LRRC7: variants seen among roughly 807,000 people sequenced by gnomAD.
The protein encoded by LRRC7 is leucine-rich repeat-containing protein 7.
In LRRC7, 23 loss-of-function variants were observed where a neutral mutation model predicts 175.7. That is an observed-to-expected ratio of 0.13 (90% CI 0.09 to 0.19). LRRC7 has a LOEUF of 0.19. Among genes scored for constraint, LRRC7 ranks in the 10% least tolerant of loss-of-function variants. The pLI is 1.00. For synonymous variants in LRRC7, 685 were observed against 680.9 expected (o/e 1.01, Z -0.09); for missense variants, 1,354 against 1,904.7 (o/e 0.71, Z 5.38).
chr1:69,783,041 A>T (rs1043645016), intron 3 of LRRC7, among the ~76,000 whole-genome samples: 2 of 152,170 alleles, frequency 1.3e-5, no homozygotes, highest in African/African-American at 4.8e-5. Flanking sequence ...ACTAAAACCC[A>T]CATTTTTCAT....
rs530344631 is a variant in LRRC7, at chr1:69,586,505, G to A, written c.2+17864G>A. Among the ~76,000 whole-genome samples, 7 of 152,112 alleles carry A rather than the reference G, an allele frequency of 4.6e-5. No individual in the cohort carries two copies. The South Asian group carries it at 8.3e-4, about 18-fold the overall frequency. On this transcript the variant is annotated intron_variant, in intron 1 of 26. Transcript: ENST00000651989. ...GAGTTGGGGAGATTTTCAATGTGGC[G>A]GGGGACAGGATGCAGCAGGGACTCG...
At chr1:69,600,073 A>T (rs942742543) in intron 1 of LRRC7, among the ~76,000 whole-genome samples, 5 of 152,150 alleles carry the variant, frequency 3.3e-5, no homozygotes, top group Non-Finnish European at 7.4e-5. Flanking sequence ...AACAATTCTT[A>T]AAAAAATTTA....
intron 3 of LRRC7, among the ~76,000 whole-genome samples, chr1:69,763,552 C>T (rs1328450779): frequency 1.3e-5 from 2 of 151,890 alleles, no homozygotes; most frequent in Admixed American, 6.6e-5. Context: ...TAACGGGTCA[C>T]CTCTGTAGAG....
rs1403241887 is a variant in LRRC7, at chr1:69,576,049, T to G, written c.2+7408T>G. On this transcript the variant is annotated intron_variant, in intron 1 of 26. Transcript: ENST00000651989. ...GAGTGTGAGACCAACTTGGGCAATA[T>G]AGTGAGATGTTGTATCTACTTTTTT... 5.5e-5 allele frequency among the ~76,000 whole-genome samples: 8 copies of G among 145,822 alleles called. No individual in the cohort carries two copies. In the Admixed American group the frequency reaches 5.7e-4, roughly 10 times the overall value.
At chr1:69,936,021 C>T (rs931131295) in intron 8 of LRRC7, among the ~76,000 whole-genome samples, 1 of 151,992 alleles carries the variant, frequency 6.6e-6, no homozygotes, top group African/African-American at 2.4e-5. Context: ...TTTCCAGAGA[C>T]TCAGCTTTCC....
At chr1:69,601,344 A>G (rs1008643552) in intron 1 of LRRC7, among the ~76,000 whole-genome samples, 5 of 152,108 alleles carry the variant, frequency 3.3e-5, no homozygotes, top group East Asian at 1.9e-4. Context: ...ACTCTAATCC[A>G]TTACTGCGTG....
intron 8 of LRRC7, among the ~76,000 whole-genome samples, chr1:69,974,347 G>GT (rs1652595538): frequency 6.6e-6 from 1 of 151,974 alleles, no homozygotes; most frequent in Admixed American, 6.6e-5. Context: ...GATTATTTAG[G>GT]TAGGATAGTT....
intron 4 of LRRC7, among the ~76,000 whole-genome samples, chr1:69,806,011 T>TA (rs951902102): frequency 2.0e-5 from 3 of 151,074 alleles, no homozygotes; most frequent in Non-Finnish European, 3.0e-5. Context: ...AGTAGATCCT[T>TA]AAAAAAAAAT....
At position 69,568,534 on chromosome 1, in the gene LRRC7, C is replaced by A; in HGVS notation, c.-106C>A. The A allele has an allele frequency of 1.8e-6, 2 of 1,116,878 alleles. No individual in the cohort carries two copies. The highest frequency in any genetic ancestry group is 2.4e-6 in the Non-Finnish European group (2 of 825,560). 69.2% of individuals were successfully genotyped at this position (1,116,878 alleles called of 1,614,324 possible). A position where few individuals can be genotyped will look rare whatever the true frequency, so the allele number is the denominator to read the frequency against. ...CTTCCCTCCTCTTCTCCTCCGAAGA[C>A]CCTGGCGCCCACTCCACTGCGGACC... On this transcript the variant is annotated 5_prime_UTR_variant, in exon 1 of 27. Coordinates refer to ENST00000651989, the MANE Select transcript of LRRC7 (RefSeq NM_001370785.2).
intron 11 of LRRC7, among the ~76,000 whole-genome samples, chr1:70,000,255 C>T (rs1655401165): frequency 6.6e-6 from 1 of 152,092 alleles, no homozygotes; most frequent in South Asian, 2.1e-4. Flanking sequence ...AACTGTGCTC[C>T]CATAAGATTA....
intron 2 of LRRC7, among the ~76,000 whole-genome samples, chr1:69,757,141 G>T (rs1670519606): frequency 1.3e-5 from 2 of 151,956 alleles, no homozygotes; most frequent in South Asian, 4.1e-4. Context: ...CAAGTAGAAA[G>T]ATATTAATAC....
At chr1:69,697,257 T>G (rs1662730054) in intron 2 of LRRC7, among the ~76,000 whole-genome samples, 1 of 152,156 alleles carries the variant, frequency 6.6e-6, no homozygotes, top group South Asian at 2.1e-4. Context: ...CTGCAATTCC[T>G]CCTGGATATT....
chr1:69,633,030 A>G (rs1652756596), intron 1 of LRRC7, among the ~76,000 whole-genome samples: 1 of 152,046 alleles, frequency 6.6e-6, no homozygotes, highest in Non-Finnish European at 1.5e-5. Context: ...TGTACTATTG[A>G]AAACTTGTTA....
intron 1 of LRRC7, among the ~76,000 whole-genome samples, chr1:69,630,162 C>A (rs1037834914): frequency 6.6e-6 from 1 of 152,018 alleles, no homozygotes; most frequent in East Asian, 1.9e-4. Context: ...CTTGTTCCTT[C>A]CTTCCTCATT....
At chr1:69,819,554 GCTCTCTCT>G (rs147116955) in intron 4 of LRRC7, among the ~76,000 whole-genome samples, 216 of 134,612 alleles carry the variant, frequency 1.6e-3, no homozygotes, top group Middle Eastern at 3.9e-3. Flanking sequence ...TGAATGGAAT[GCTCTCTCT>G]CTCTCTCTCT....
chr1:69,949,695 C>G (rs1649717790), intron 8 of LRRC7, among the ~76,000 whole-genome samples: 1 of 152,052 alleles, frequency 6.6e-6, no homozygotes, highest in African/African-American at 2.4e-5. Flanking sequence ...CCATAAACAA[C>G]TTTTTATATA....
intron 1 of LRRC7, chr1:69,606,940 T>C (rs1647685247): frequency 6.6e-6 from 1 of 152,156 alleles, no homozygotes; most frequent in Non-Finnish European, 1.5e-5. Flanking sequence ...TTATAGTTCA[T>C]GCTGGCTGTG....
chr1:70,012,961 T>C lies in LRRC7; in HGVS notation c.1135-13T>C. The C allele has an allele frequency of 7.0e-7, 1 of 1,435,256 alleles. No individual in the cohort carries two copies. Among genetic ancestry groups the C allele is most frequent in the East Asian group, 2.6e-5 (1 of 39,120 alleles). The allele number at this position is 1,435,256 out of a possible 1,614,324, so 88.9% of individuals were successfully genotyped here. On this transcript the variant is annotated splice_polypyrimidine_tract_variant and intron_variant, in intron 12 of 26. Coordinates refer to ENST00000651989, the MANE Select transcript of LRRC7 (RefSeq NM_001370785.2). ...GTCTGATTTTTTTACCTATTTTCTTTTGTTACCTACAGATTGGAAGTTGTA... is the reference window on the plus strand; with the variant it reads ...GTCTGATTTTTTTACCTATTTTCTTCTGTTACCTACAGATTGGAAGTTGTA...
chr1:69,816,208 C>A (rs961093551), intron 4 of LRRC7, among the ~76,000 whole-genome samples: 6 of 152,014 alleles, frequency 3.9e-5, no homozygotes, highest in African/African-American at 1.4e-4. Flanking sequence ...GAACTCCTGA[C>A]CTCAAGCAAT....
Sources: gnomAD v4.1 joint callset for allele counts (sites outside exome capture counted in the v4.1 genomes callset) on GRCh38, gnomAD v4.1.1 for gene constraint, MANE v1.5 for transcripts, NCBI Gene and HGNC (gene_info 2026-07-23, HGNC 2026-07-21) for gene names.